Variants in TADA3 observed in about 807,000 individuals in gnomAD.
TADA3 encodes transcriptional adaptor 3.
TADA3 carries 25 observed loss-of-function variants against 43.2 expected under a neutral mutation model. That is an observed-to-expected ratio of 0.58 (90% CI 0.42 to 0.81). TADA3 has a LOEUF of 0.81. TADA3 is among the 30% of genes least tolerant of loss of function. The pLI is 0.00. For missense variants in TADA3, 441 were observed against 567.8 expected, an observed-to-expected ratio of 0.78 and a Z score of 2.27; for synonymous variants, 235 against 225.5, an observed-to-expected ratio of 1.04 and a Z score of -0.38.
intron 4 of TADA3, 158 bp from the exon 5 acceptor site, chr3:9,787,498 C>A: frequency 9.1e-7 from 1 of 1,104,408 alleles, no homozygotes; most frequent in Non-Finnish European, 1.3e-6. Flanking sequence ...AAGATAAAAC[C>A]TGTACTTCAC....
chr3:9,786,681 G>A (rs1013056326), intron 6 of TADA3, among the ~76,000 whole-genome samples: 1 of 152,172 alleles, frequency 6.6e-6, no homozygotes, highest in Non-Finnish European at 1.5e-5. Context: ...TGTGGAGTAA[G>A]GCTACCTTTG....
chr3:9,787,234 C>A lies in TADA3; in HGVS notation c.671G>T (p.Gly224Val), dbSNP rs750851337. The A allele has an allele frequency of 6.2e-7, 1 of 1,614,076 alleles. No individual in the cohort carries two copies. Among genetic ancestry groups the A allele is most frequent in the African/African-American group, 1.3e-5 (1 of 74,918 alleles). ...CAGTTCGGTCAGTGGCCCCATGAGG[C>A]CTTTCTTCTTGTCAGCCACAGCCGC... ...RAAAVADKKK[G>V]LMGPLTELDT... is the part of the protein sequence containing the mutation. The change falls in exon 5 of 9, where the codon GGC becomes GTC. Residue 224 changes from glycine to valine, a missense_variant. By Grantham distance (109) the Gly-to-Val change is moderately radical (BLOSUM62 -3). Coordinates refer to ENST00000301964, the MANE Select transcript of TADA3 (RefSeq NM_006354.5).
chr3:9,780,050 CAG>C lies in TADA3; in HGVS notation c.*305_*306del, dbSNP rs1181796454. 1.1e-5 allele frequency: 3 copies of C among 279,354 alleles called. No homozygotes were observed. The South Asian group carries it at 4.0e-4, about 37-fold the overall frequency. The allele number at this position is 279,354 out of a possible 1,614,324, so 17.3% of individuals were successfully genotyped here. On this transcript the variant is annotated 3_prime_UTR_variant, in exon 9 of 9. Transcript: ENST00000301964. ...AAGGGAGAAGTCCTTGAAGGGGAGA[CAG>C]GGGTAGGGGATTAGGGAGTGGGGGA...
At chr3:9,781,446 A>T (rs1203846687) in intron 8 of TADA3, 5 of 443,622 alleles carry the variant, frequency 1.1e-5, no homozygotes, top group South Asian at 7.8e-5. Flanking sequence ...AGGATCCCAC[A>T]GTTAGTGAGG....
chr3:9,788,580 C>T (rs533172397), intron 4 of TADA3, among the ~76,000 whole-genome samples: 1 of 151,558 alleles, frequency 6.6e-6, no homozygotes, highest in Non-Finnish European at 1.5e-5. Context: ...CCTTCTGTCA[C>T]CCAGGCTGGA....
At chr3:9,782,113 C>T (rs1019841124) in intron 8 of TADA3, among the ~76,000 whole-genome samples, 1 of 152,178 alleles carries the variant, frequency 6.6e-6, no homozygotes, top group African/African-American at 2.4e-5. Context: ...GCTGGGATTA[C>T]AGGCATGAGC....
At chr3:9,783,028 T>C (rs561483243) in intron 8 of TADA3, 1 of 152,316 alleles carries the variant, frequency 6.6e-6, no homozygotes, top group East Asian at 1.9e-4. Flanking sequence ...GGCACTGTGA[T>C]GGATTCCCAA....
At chr3:9,788,899 G>C (rs998248427) in intron 4 of TADA3, among the ~76,000 whole-genome samples, 3 of 150,044 alleles carry the variant, frequency 2.0e-5, no homozygotes, top group African/African-American at 7.4e-5. Context: ...GCAGTGGCGT[G>C]ATCTCGGCTC....
intron 8 of TADA3, chr3:9,783,141 T>C (rs909026496): frequency 4.6e-5 from 7 of 152,350 alleles, no homozygotes; most frequent in Admixed American, 4.6e-4. Flanking sequence ...GTGGAGAATA[T>C]ACTGATGTTT....
intron 6 of TADA3, among the ~76,000 whole-genome samples, chr3:9,785,778 G>A (rs886563391): frequency 6.6e-6 from 1 of 152,194 alleles, no homozygotes; most frequent in Non-Finnish European, 1.5e-5. Context: ...TTTCCTCCAC[G>A]GCAGCTAGGC....
At position 9,792,412 on chromosome 3, in the gene TADA3, G is replaced by A. The variant is rs554710486; in HGVS notation, c.-224C>T. 4.4e-3 allele frequency: 4,306 copies of A among 983,714 alleles called. 16 individuals are homozygous for A. Among genetic ancestry groups the A allele is most frequent in the Non-Finnish European group, 5.0e-3 (4,023 of 803,258 alleles). The allele number at this position is 983,714 out of a possible 1,614,324, so 60.9% of individuals were successfully genotyped here. ...TACCTCCTCGCTGCGGCCTCCTACG[G>A]CCCCAGGGGCCGCGGGAGGGGGCGG... is the stretch of plus-strand genomic sequence containing the variant. On this transcript the variant is annotated 5_prime_UTR_variant, in exon 1 of 9. Coordinates refer to ENST00000301964, the MANE Select transcript of TADA3 (RefSeq NM_006354.5).
At position 9,787,117 on chromosome 3, in the gene TADA3, G is replaced by C. The variant is rs3816444; in HGVS notation, c.707-8C>G. ...TCAGCAGGGCATCCACATCTAAGCGGGCACAGGAAAGGAGGGGAGGTGGGC... is the reference window on the plus strand; with the variant it reads ...TCAGCAGGGCATCCACATCTAAGCGCGCACAGGAAAGGAGGGGAGGTGGGC... On this transcript the variant is annotated splice_polypyrimidine_tract_variant and splice_region_variant and intron_variant, in intron 5 of 8. Coordinates refer to ENST00000301964, the MANE Select transcript of TADA3 (RefSeq NM_006354.5). The C allele has an allele frequency of 9.3e-6, 15 of 1,614,186 alleles. No homozygotes were observed. The highest frequency in any genetic ancestry group is 1.2e-5 in the Non-Finnish European group (14 of 1,180,028).
intron 8 of TADA3, among the ~76,000 whole-genome samples, chr3:9,781,130 C>CA (rs931672265): frequency 2.5e-4 from 35 of 139,966 alleles, no homozygotes; most frequent in South Asian, 6.8e-4. Context: ...ACTGTGTCTT[C>CA]AAAAAAAAAA....
Position 9,791,434 on chromosome 3 carries a change from G to GAACT in TADA3, c.29_32dup (p.Phe11LeufsTer25). On this transcript the variant is annotated frameshift_variant, in exon 2 of 9. Transcript: ENST00000301964. LOFTEE classifies it high-confidence loss of function. ...GGTGATCCACAGACTTGAAGTCGTG[G>GAACT]AACTGCAAGGGGCAGTCTTTCAACT... 6.2e-7 allele frequency: 1 copy of GAACT among 1,613,704 alleles called. No individual in the cohort carries two copies. Among genetic ancestry groups the GAACT allele is most frequent in the Non-Finnish European group, 8.5e-7 (1 of 1,179,642 alleles).
chr3:9,792,955 T>A, upstream of TADA3: 1 of 1,411,336 alleles, frequency 7.1e-7, no homozygotes. Context: ...GGTGGAAAAC[T>A]TCCGGAAGGC....
chr3:9,791,105 G>C (rs2078720272), intron 2 of TADA3, among the ~76,000 whole-genome samples, 155 bp downstream of exon 2: 1 of 152,208 alleles, frequency 6.6e-6, no homozygotes, highest in African/African-American at 2.4e-5. Flanking sequence ...ATATTCTTGT[G>C]TATTTTTTGT....
At chr3:9,781,769 C>G (rs957097862) in intron 8 of TADA3, among the ~76,000 whole-genome samples, 10 of 151,382 alleles carry the variant, frequency 6.6e-5, no homozygotes, top group Non-Finnish European at 1.5e-4. Context: ...TGCTCTGCAG[C>G]AGGGTAAGGG....
upstream of TADA3, chr3:9,792,839 A>T (rs552619996): frequency 1.2e-4 from 159 of 1,358,848 alleles, no homozygotes; most frequent in Middle Eastern, 1.4e-3. Flanking sequence ...AGGCTGTGGC[A>T]AAGGTGACAA....
chr3:9,784,817 T>C (rs1365675967), intron 7 of TADA3, among the ~76,000 whole-genome samples: 1 of 151,536 alleles, frequency 6.6e-6, no homozygotes, highest in Non-Finnish European at 1.5e-5. Flanking sequence ...TGAGCCAAGA[T>C]TGCGCCATTG....
Sources: allele counts gnomAD v4.1 joint callset (sites outside exome capture counted in the v4.1 genomes callset), GRCh38; gene constraint gnomAD v4.1.1; transcripts MANE v1.5; gene names NCBI Gene and HGNC (gene_info 2026-07-23, HGNC 2026-07-21).